The following PLCL1 variants were observed in gnomAD, a reference collection of about 807,000 sequenced individuals.
PLCL1 encodes the protein inactive phospholipase C-like protein 1.
PLCL1 carries 41 observed loss-of-function variants against 84.4 expected under a neutral mutation model. That is an observed-to-expected ratio of 0.49 (90% CI 0.38 to 0.63). The LOEUF (loss-of-function observed/expected upper bound fraction) is 0.63. Ranked by LOEUF, PLCL1 falls within the 30% of genes least tolerant of loss-of-function variation. PLCL1 has a pLI of 0.00. For synonymous variants in PLCL1, 490 were observed against 488.3 expected, an observed-to-expected ratio of 1.00 and a Z score of -0.05; for missense variants, 1,206 against 1,367.8, an observed-to-expected ratio of 0.88 and a Z score of 1.87.
At chr2:197,883,257 A>G (rs190348264) in intron 1 of PLCL1, among the ~76,000 whole-genome samples, 2 of 152,344 alleles carry the variant, frequency 1.3e-5, no homozygotes, top group Non-Finnish European at 2.9e-5. Flanking sequence ...AGGAACACCT[A>G]AAGTTTAAAC....
At chr2:197,937,474 T>C (rs1689075007) in intron 1 of PLCL1, among the ~76,000 whole-genome samples, 1 of 152,218 alleles carries the variant, frequency 6.6e-6, no homozygotes, top group African/African-American at 2.4e-5. Flanking sequence ...TAGTTTTCAT[T>C]GTACAGATCT....
intron 1 of PLCL1, among the ~76,000 whole-genome samples, chr2:197,909,369 C>T (rs1574943777): frequency 6.6e-6 from 1 of 151,266 alleles, no homozygotes; most frequent in South Asian, 2.1e-4. Context: ...GAAGTGGGCA[C>T]TAAAAATTCG....
intron 5 of PLCL1, among the ~76,000 whole-genome samples, chr2:198,104,908 A>C (rs776806012): frequency 2.6e-5 from 4 of 151,884 alleles, no homozygotes; most frequent in Non-Finnish European, 5.9e-5. Flanking sequence ...GTTCCTTATA[A>C]ATTCTGAATG....
Position 197,909,189 on chromosome 2 carries a change from G to A in PLCL1, c.240+103850G>A, listed in dbSNP as rs1033815862. ...TGTTGTTTAGATCATGATTTCATAC[G>A]TCAGAGGATTGGAAGTCTCCTTTAG... On this transcript the variant is annotated intron_variant, in intron 1 of 5. Transcript: ENST00000428675. Among the ~76,000 whole-genome samples the A allele has an allele frequency of 2.6e-5, 4 of 152,278 alleles. No individual in the cohort carries two copies. The South Asian group carries it at 8.3e-4, about 32-fold the overall frequency.
In PLCL1 at chr2:198,073,406, G is replaced by T. The variant is rs537269275; in HGVS notation, c.241-10352G>T. ...GATGCTGATGTTCAGTTAATCAGAG[G>T]TAATGCAATAAGGATTAAAGTGTTA... is the stretch of plus-strand genomic sequence containing the variant. On this transcript the variant is annotated intron_variant, in intron 1 of 5. Coordinates refer to ENST00000428675, the MANE Select transcript of PLCL1 (RefSeq NM_006226.4). Among the ~76,000 whole-genome samples, 59 of 152,240 alleles carry T rather than the reference G, an allele frequency of 3.9e-4. No individual in the cohort carries two copies. The East Asian group carries it at 8.1e-3, about 21-fold the overall frequency.
At chr2:197,820,439 C>G (rs1030715439) in intron 1 of PLCL1, among the ~76,000 whole-genome samples, 1 of 152,088 alleles carries the variant, frequency 6.6e-6, no homozygotes, top group Non-Finnish European at 1.5e-5. Flanking sequence ...AAGAACAAAG[C>G]CCAGTTTTCT....
At chr2:198,107,347 C>T (rs781184902) in intron 5 of PLCL1, among the ~76,000 whole-genome samples, 9 of 151,838 alleles carry the variant, frequency 5.9e-5, no homozygotes, top group Non-Finnish European at 1.3e-4. Context: ...ACATTTGGGT[C>T]CAAACCATAT....
rs1332856184 is a variant in PLCL1 at position 198,084,852 on chromosome 2, T to C, written c.1335T>C (p.Asp445=). The C allele has an allele frequency of 6.2e-7, 1 of 1,614,028 alleles. No individual in the cohort carries two copies. The highest frequency in any genetic ancestry group is 1.7e-5 in the Admixed American group (1 of 59,998). The change falls in exon 2 of 6, where the codon GAT becomes GAC. Residue 445 remains aspartate, a synonymous_variant. Transcript: ENST00000428675. ...LKMGCRSVEL[D]VSDGSDNEPI... ...TGGGCTGTCGAAGCGTTGAACTCGA[T>C]GTAAGTGATGGTTCAGATAATGAAC...
Position 198,085,047 on chromosome 2 carries a change from C to T in PLCL1, c.1530C>T (p.Val510=). Residue 510 remains valine (V), a synonymous_variant, in exon 2 of 6, where the codon GTC becomes GTT. Coordinates refer to ENST00000428675, the MANE Select transcript of PLCL1 (RefSeq NM_006226.4). The surrounding 1 kb of genome is among the most constrained non-coding windows in gnomAD (Gnocchi z 5.3). ...TAATGGCTCAACAGATGAAAAAGGTCTTTGGCAATAAACTCTATACTGAAG... is the reference window on the plus strand; with the variant it reads ...TAATGGCTCAACAGATGAAAAAGGTTTTTGGCAATAAACTCTATACTGAAG... ...QKVMAQQMKK[V]FGNKLYTEAP... The T allele has an allele frequency of 1.2e-6, 2 of 1,614,036 alleles. No individual in the cohort carries two copies. The highest frequency in any genetic ancestry group is 1.7e-6 in the Non-Finnish European group (2 of 1,179,984).
At chr2:197,995,934 T>A (rs76416624) in intron 1 of PLCL1, among the ~76,000 whole-genome samples, 4,305 of 152,284 alleles carry the variant, frequency 0.028, 210 homozygotes, top group African/African-American at 0.097. Context: ...TCACATGAGT[T>A]TATGCACAGG....
intron 1 of PLCL1, among the ~76,000 whole-genome samples, chr2:197,926,271 T>G (rs1442945950): frequency 6.6e-6 from 1 of 152,152 alleles, no homozygotes; most frequent in Non-Finnish European, 1.5e-5. Context: ...CAGGAATAAG[T>G]AGTGACACAT....
At chr2:197,882,989 C>T (rs1422084681) in intron 1 of PLCL1, among the ~76,000 whole-genome samples, 2 of 152,090 alleles carry the variant, frequency 1.3e-5, no homozygotes, top group African/African-American at 4.8e-5. Context: ...GGTTCAAAAA[C>T]AGGTGAAATC....
chr2:198,084,404 C>T lies in PLCL1; in HGVS notation c.887C>T (p.Thr296Ile), dbSNP rs1470961961. The T allele has an allele frequency of 6.2e-7, 1 of 1,614,040 alleles. No homozygotes were observed. Among genetic ancestry groups the T allele is most frequent in the Admixed American group, 1.7e-5 (1 of 60,002 alleles). Reference protein sequence around the residue: ...EIQKSKEKLTTRVTEEEFCEA... With the variant: ...EIQKSKEKLTIRVTEEEFCEA... The stretch of plus-strand genomic sequence containing the variant: ...CAGAAGAGCAAGGAAAAACTAACCA[C>T]CCGCGTGACCGAAGAGGAATTTTGT... The change falls in exon 2 of 6, where the codon ACC becomes ATC. Residue 296 changes from threonine to isoleucine, a missense_variant. Physicochemically the swap from Thr to Ile is moderately conservative, Grantham distance 89 (BLOSUM62 -1). Coordinates refer to ENST00000428675, the MANE Select transcript of PLCL1 (RefSeq NM_006226.4).
intron 5 of PLCL1, among the ~76,000 whole-genome samples, chr2:198,105,204 G>A (rs540903267): frequency 5.7e-4 from 87 of 152,102 alleles, no homozygotes; most frequent in Middle Eastern, 3.4e-3. Flanking sequence ...ATGGTACAAG[G>A]AAGAGGTCCA....
intron 1 of PLCL1, among the ~76,000 whole-genome samples, chr2:197,866,638 T>C (rs1435649986): frequency 1.3e-5 from 2 of 152,126 alleles, no homozygotes; most frequent in African/African-American, 2.4e-5. Context: ...AGAGGTGACA[T>C]ATAAATACTC....
At chr2:198,048,457 AGG>A (rs1691855962) in intron 1 of PLCL1, among the ~76,000 whole-genome samples, 1 of 152,244 alleles carries the variant, frequency 6.6e-6, no homozygotes, top group African/African-American at 2.4e-5. Context: ...TAAGGAAAAG[AGG>A]ATTGACCTGG....
intron 1 of PLCL1, among the ~76,000 whole-genome samples, chr2:197,938,023 C>A (rs1417564430): frequency 4.6e-5 from 7 of 152,204 alleles, no homozygotes; most frequent in Admixed American, 4.6e-4. Context: ...TCCCACGTCA[C>A]TGGCACAGAC....
intron 1 of PLCL1, among the ~76,000 whole-genome samples, chr2:197,956,643 G>A (rs1305838232): frequency 6.6e-6 from 1 of 152,018 alleles, no homozygotes; most frequent in African/African-American, 2.4e-5. Flanking sequence ...TATCATTGTG[G>A]TTTTGCTTTG....
intron 1 of PLCL1, among the ~76,000 whole-genome samples, chr2:197,923,694 G>T (rs1468951551): frequency 1.3e-4 from 19 of 150,002 alleles, no homozygotes; most frequent in African/African-American, 4.2e-4. Flanking sequence ...AGGCAGAGAG[G>T]CTCCTCACAT....
Sources: allele counts gnomAD v4.1 joint callset (sites outside exome capture counted in the v4.1 genomes callset), GRCh38; gene constraint gnomAD v4.1.1; non-coding constraint Gnocchi (gnomAD v3.1); transcripts MANE v1.5; gene names NCBI Gene and HGNC (gene_info 2026-07-23, HGNC 2026-07-21).